Variants in UBE2D2 observed in about 807,000 individuals in gnomAD.
UBE2D2 encodes the protein ubiquitin conjugating enzyme E2 D2.
A neutral mutation model predicts 24.2 loss-of-function variants in UBE2D2; 2 were observed. That is an observed-to-expected ratio of 0.08 (90% confidence interval 0.03 to 0.26). The LOEUF (loss-of-function observed/expected upper bound fraction) is 0.26. Ranked by LOEUF, UBE2D2 falls within the 10% of genes least tolerant of loss-of-function variation. The probability of loss-of-function intolerance (pLI) is 1.00; values close to 1 mark genes in which losing one functional copy is unlikely to be tolerated. For synonymous variants in UBE2D2, 58 were observed against 56.5 expected (o/e 1.03, Z -0.12); for missense variants, 44 against 177.6 (o/e 0.25, Z 4.28).
chr5:139,619,395 C>CA (rs372029230), intron 5 of UBE2D2, among the ~76,000 whole-genome samples: 37,747 of 108,976 alleles, frequency 0.35, 5,156 homozygotes, highest in South Asian at 0.47. Flanking sequence ...GAGTCTGTCT[C>CA]AAAAAAAAAA....
intron 1 of UBE2D2, among the ~76,000 whole-genome samples, chr5:139,585,465 C>T (rs1753709313): frequency 6.6e-6 from 1 of 151,732 alleles, no homozygotes; most frequent in Non-Finnish European, 1.5e-5. Flanking sequence ...TGGGCTGAAG[C>T]AGTCCTCCAG....
chr5:139,544,217 T>C (rs1752795961), intron 1 of UBE2D2, among the ~76,000 whole-genome samples: 1 of 151,126 alleles, frequency 6.6e-6, no homozygotes, highest in Non-Finnish European at 1.5e-5. Context: ...TTACCCAGGC[T>C]GGTCTGGAAC....
At chr5:139,560,902 G>A (rs1753062382), upstream of UBE2D2, among the ~76,000 whole-genome samples, 1 of 152,172 alleles carries the variant, frequency 6.6e-6, no homozygotes. Context: ...CCTCTGGAAA[G>A]AGATGTGCTA....
intron 5 of UBE2D2, among the ~76,000 whole-genome samples, chr5:139,615,594 T>C (rs182295169): frequency 1.3e-5 from 2 of 152,228 alleles, no homozygotes; most frequent in Admixed American, 1.3e-4. Context: ...AAAAGATAGA[T>C]ACTATTGCAG....
chr5:139,619,642 T>C (rs1754478363), intron 5 of UBE2D2, among the ~76,000 whole-genome samples: 1 of 152,080 alleles, frequency 6.6e-6, no homozygotes, highest in Non-Finnish European at 1.5e-5. Context: ...GATGCGCAGA[T>C]CACTGAGGTC....
chr5:139,532,541 C>T (rs1317194869), intron 1 of UBE2D2, among the ~76,000 whole-genome samples: 3 of 151,904 alleles, frequency 2.0e-5, no homozygotes, highest in Non-Finnish European at 2.9e-5. Flanking sequence ...TTAGTGGAGA[C>T]GGAGTTTCAC....
intron 1 of UBE2D2, among the ~76,000 whole-genome samples, chr5:139,588,229 C>T (rs935771461): frequency 6.6e-6 from 1 of 152,014 alleles, no homozygotes; most frequent in Non-Finnish European, 1.5e-5. Flanking sequence ...TCCACTGCAC[C>T]TGCCTTGCCT....
chr5:139,562,193 C>T (rs1023588753), intron 1 of UBE2D2: 33 of 1,377,956 alleles, frequency 2.4e-5, no homozygotes, highest in Non-Finnish European at 2.9e-5. Context: ...CGACAGAGGT[C>T]GAAAGGGCTT....
chr5:139,601,632 G>A (rs942795940), intron 2 of UBE2D2, among the ~76,000 whole-genome samples: 1 of 150,904 alleles, frequency 6.6e-6, no homozygotes, highest in African/African-American at 2.4e-5. Flanking sequence ...AAAACAGGAC[G>A]GGGCGTCATG....
rs375057696 is a variant in UBE2D2, at chr5:139,532,926, G to A, written c.-64+6314G>A. On this transcript the variant is annotated intron_variant, in intron 1 of 6. Coordinates refer to the UBE2D2 transcript ENST00000511725. ...GTTTGAGACCAGCCTGGCCAACATG[G>A]CGAAACCCCGTCTCTACTAAAAAAT... 1.6e-4 allele frequency among the ~76,000 whole-genome samples: 24 copies of A among 152,052 alleles called. No homozygotes were observed. In the East Asian group the frequency reaches 3.1e-3, roughly 20 times the overall value.
chr5:139,533,186 C>A (rs917455539), intron 1 of UBE2D2, among the ~76,000 whole-genome samples: 4 of 151,868 alleles, frequency 2.6e-5, no homozygotes, highest in South Asian at 2.1e-4. Flanking sequence ...CACATACACA[C>A]TTTTTTTGGT....
chr5:139,537,466 A>C (rs952988472), intron 1 of UBE2D2, among the ~76,000 whole-genome samples: 23 of 152,006 alleles, frequency 1.5e-4, no homozygotes, highest in Non-Finnish European at 2.8e-4. Flanking sequence ...TGCCACAATC[A>C]CTTTTATTAA....
chr5:139,592,013 A>G lies in UBE2D2; in HGVS notation c.25-8359A>G, dbSNP rs1160041969. ...TCAGGAGTTCTCAAGACCGGCCTGGACAACGTGGTGAAACGCCATCTCTAC... is the reference window on the plus strand; with the variant it reads ...TCAGGAGTTCTCAAGACCGGCCTGGGCAACGTGGTGAAACGCCATCTCTAC... On this transcript the variant is annotated intron_variant, in intron 1 of 6. Coordinates refer to ENST00000398733, the MANE Select transcript of UBE2D2 (RefSeq NM_003339.3). Among the ~76,000 whole-genome samples, 3 of 152,114 alleles carry G rather than the reference A, an allele frequency of 2.0e-5. No individual in the cohort carries two copies. In the East Asian group the frequency reaches 5.8e-4, roughly 29 times the overall value.
Position 139,546,817 on chromosome 5 carries a change from T to TTC in UBE2D2, c.-64+20205_-64+20206insTC, listed in dbSNP as rs1752834799. Among the ~76,000 whole-genome samples the TTC allele has an allele frequency of 2.5e-4, 34 of 138,412 alleles. No homozygotes were observed. The East Asian group carries it at 3.4e-3, about 14-fold the overall frequency. 90.8% of individuals were successfully genotyped at this position (138,412 alleles called of 152,430 possible). A position where few individuals can be genotyped will look rare whatever the true frequency, so the allele number is the denominator to read the frequency against. On this transcript the variant is annotated intron_variant, in intron 1 of 6. Transcript: ENST00000511725. Reference sequence around the variant, plus strand: ...TTTCTTTCTTTCTTTCTTCTTTCTTTCTTCCTTCCTTCCTTCCTTCCTTCC... The same window carrying TTC: ...TTTCTTTCTTTCTTTCTTCTTTCTTTTCCTTCCTTCCTTCCTTCCTTCCTTCC...
intron 1 of UBE2D2, among the ~76,000 whole-genome samples, chr5:139,536,113 A>G (rs1271088831): frequency 1.3e-5 from 2 of 150,166 alleles, no homozygotes; most frequent in African/African-American, 4.9e-5. Flanking sequence ...TTATTTATTT[A>G]TTTGAGACTG....
Position 139,543,859 on chromosome 5 carries a change from C to T in UBE2D2, c.-64+17247C>T, listed in dbSNP as rs1225800417. ...CAGCAATCACACTATCTGGAGTAGG[C>T]ACAATTTGCATGAAGCCTTTGACAG... On this transcript the variant is annotated intron_variant, in intron 1 of 6. Transcript: ENST00000511725. 2.0e-5 allele frequency among the ~76,000 whole-genome samples: 3 copies of T among 152,290 alleles called. No homozygotes were observed. The East Asian group carries it at 5.8e-4, about 29-fold the overall frequency.
chr5:139,559,311 C>A (rs1430073777), upstream of UBE2D2, among the ~76,000 whole-genome samples: 2 of 151,806 alleles, frequency 1.3e-5, no homozygotes, highest in African/African-American at 4.8e-5. Flanking sequence ...CCTGTAGTCC[C>A]AGCTACTCGG....
chr5:139,544,364 C>T lies in UBE2D2; in HGVS notation c.-64+17752C>T, dbSNP rs887711004. 1.9e-4 allele frequency among the ~76,000 whole-genome samples: 28 copies of T among 150,812 alleles called. No homozygotes were observed. In the Middle Eastern group the frequency reaches 0.01, roughly 56 times the overall value. On this transcript the variant is annotated intron_variant, in intron 1 of 6. Transcript: ENST00000511725. ...GTGCAATGGCGCGATCTCGGATCACCGCAACCTCCACCTCCCAGGTTCAAG... is the reference window on the plus strand; with the variant it reads ...GTGCAATGGCGCGATCTCGGATCACTGCAACCTCCACCTCCCAGGTTCAAG...
intron 1 of UBE2D2, among the ~76,000 whole-genome samples, chr5:139,552,482 T>A (rs190732935): frequency 6.6e-6 from 1 of 151,086 alleles, no homozygotes; most frequent in African/African-American, 2.4e-5. Flanking sequence ...ATAGCTAACT[T>A]CTTTTTTTGT....
Sources: allele counts gnomAD v4.1 joint callset (sites outside exome capture counted in the v4.1 genomes callset), GRCh38; gene constraint gnomAD v4.1.1; transcripts MANE v1.5; gene names NCBI Gene and HGNC (gene_info 2026-07-23, HGNC 2026-07-21).